Variants in RIT2 observed in about 807,000 individuals in gnomAD.
RIT2 encodes the protein Ras like without CAAX 2, also known as GTP-binding protein Rit2.
In RIT2, 24 loss-of-function variants were observed where a neutral mutation model predicts 23.7. The ratio of observed to expected loss-of-function variants is 1.01; its 90% CI spans 0.73 to 1.43. The LOEUF is 1.43. RIT2 is among the 40% of genes most tolerant of loss of function. The probability of loss-of-function intolerance (pLI) is 0.00; values close to 1 mark genes in which losing one functional copy is unlikely to be tolerated. For missense variants in RIT2, 236 were observed against 266.9 expected, an observed-to-expected ratio of 0.88 and a Z score of 0.81; for synonymous variants, 107 against 91.1, an observed-to-expected ratio of 1.17 and a Z score of -0.99.
At chr18:42,973,959 C>T in intron 3 of RIT2, 115 bp downstream of exon 3, 3 of 627,534 alleles carry the variant, frequency 4.8e-6, no homozygotes, top group Non-Finnish European at 8.2e-6. Flanking sequence ...ATTGTTATCA[C>T]AAATTTGTTC....
chr18:43,014,407 A>G (rs546366586), intron 2 of RIT2, among the ~76,000 whole-genome samples: 2 of 151,878 alleles, frequency 1.3e-5, no homozygotes, highest in South Asian at 4.2e-4. Flanking sequence ...ATTGCAGGAC[A>G]TACTACCCTT....
intron 1 of RIT2, among the ~76,000 whole-genome samples, chr18:43,071,710 T>A (rs1224028153): frequency 6.6e-6 from 1 of 152,204 alleles, no homozygotes. Context: ...TATATTACAT[T>A]TATTAATACT....
chr18:43,027,402 G>A (rs888785171), intron 2 of RIT2, among the ~76,000 whole-genome samples: 3 of 152,016 alleles, frequency 2.0e-5, no homozygotes, highest in African/African-American at 7.2e-5. Flanking sequence ...AGAAAATATT[G>A]TTTTGAGCAA....
intron 4 of RIT2, among the ~76,000 whole-genome samples, chr18:42,856,886 G>C (rs556976341): frequency 1.4e-5 from 2 of 143,774 alleles, no homozygotes; most frequent in African/African-American, 2.6e-5. Context: ...CTGGAGTGCA[G>C]TGGTGGGATC....
chr18:42,827,929 C>T (rs528239839), intron 4 of RIT2, among the ~76,000 whole-genome samples: 44 of 141,188 alleles, frequency 3.1e-4, no homozygotes, highest in Admixed American at 4.6e-4. Context: ...GGTGCGAACC[C>T]GGGAGGCGGA....
At chr18:42,750,190 C>T (rs939126736) in intron 4 of RIT2, among the ~76,000 whole-genome samples, 1 of 151,626 alleles carries the variant, frequency 6.6e-6, no homozygotes, top group African/African-American at 2.4e-5. Context: ...CCCATTTACC[C>T]CACATCCAGT....
intron 1 of RIT2, among the ~76,000 whole-genome samples, chr18:43,105,513 G>GAA (rs1345609701): frequency 3.3e-4 from 41 of 123,092 alleles, no homozygotes; most frequent in Non-Finnish European, 4.3e-4. Flanking sequence ...AGGGAGGGAG[G>GAA]GAGGGAATGA....
At chr18:43,019,470 T>G (rs1911547738) in intron 2 of RIT2, among the ~76,000 whole-genome samples, 1 of 151,910 alleles carries the variant, frequency 6.6e-6, no homozygotes, top group Non-Finnish European at 1.5e-5. Context: ...GAAAAAGCAT[T>G]GATAAAATTC....
At chr18:42,820,166 C>T (rs879605026) in intron 4 of RIT2, among the ~76,000 whole-genome samples, 1 of 152,140 alleles carries the variant, frequency 6.6e-6, no homozygotes, top group Non-Finnish European at 1.5e-5. Context: ...AATGAACCCA[C>T]AGATATGAAG....
intron 3 of RIT2, among the ~76,000 whole-genome samples, chr18:42,966,025 A>C (rs1288436636): frequency 6.6e-6 from 1 of 152,074 alleles, no homozygotes; most frequent in East Asian, 1.9e-4. Flanking sequence ...TGGATAAGCC[A>C]CTTAACCTCT....
intron 4 of RIT2, among the ~76,000 whole-genome samples, chr18:42,882,200 T>C (rs1839816283): frequency 6.6e-6 from 1 of 152,234 alleles, no homozygotes; most frequent in Admixed American, 6.5e-5. Context: ...ATCATTCAGC[T>C]ACTGAAGCAC....
At chr18:42,766,881 G>A (rs116323126) in intron 4 of RIT2, among the ~76,000 whole-genome samples, 2,267 of 152,320 alleles carry the variant, frequency 0.015, 63 homozygotes, top group African/African-American at 0.052. Context: ...GCTTCAGAGC[G>A]TGGAAGCCCT....
At chr18:42,878,565 C>CTGTG (rs71371607) in intron 4 of RIT2, among the ~76,000 whole-genome samples, 9,380 of 147,516 alleles carry the variant, frequency 0.064, 316 homozygotes, top group Middle Eastern at 0.073. Context: ...AGATTCAACT[C>CTGTG]TGTGTGTGTG....
At chr18:42,766,087 C>T (rs111898368) in intron 4 of RIT2, among the ~76,000 whole-genome samples, 3,144 of 152,116 alleles carry the variant, frequency 0.021, 111 homozygotes, top group African/African-American at 0.068. Context: ...GCATTGAAAA[C>T]GAACTAATAC....
chr18:43,038,597 A>G (rs1399365010), intron 1 of RIT2, among the ~76,000 whole-genome samples: 1 of 151,926 alleles, frequency 6.6e-6, no homozygotes, highest in Non-Finnish European at 1.5e-5. Context: ...CTCAGTATAT[A>G]TCTTCTTTAA....
chr18:42,766,975 T>C (rs1198801889), intron 4 of RIT2, among the ~76,000 whole-genome samples: 1 of 152,150 alleles, frequency 6.6e-6, no homozygotes, highest in Non-Finnish European at 1.5e-5. Context: ...CGCCTAGATT[T>C]CAGAAGATGT....
intron 4 of RIT2, among the ~76,000 whole-genome samples, chr18:42,851,767 T>G (rs1907060592): frequency 6.6e-6 from 1 of 152,138 alleles, no homozygotes; most frequent in Non-Finnish European, 1.5e-5. Flanking sequence ...GGGGAATTGC[T>G]TGAACCCAGG....
chr18:42,885,182 A>C (rs898020643), intron 4 of RIT2, among the ~76,000 whole-genome samples: 1 of 152,262 alleles, frequency 6.6e-6, no homozygotes, highest in Non-Finnish European at 1.5e-5. Context: ...AGACAACTAA[A>C]GAGCTTTATG....
intron 4 of RIT2, among the ~76,000 whole-genome samples, chr18:42,846,609 C>T (rs953457901): frequency 6.6e-6 from 1 of 151,822 alleles, no homozygotes; most frequent in Non-Finnish European, 1.5e-5. Flanking sequence ...TGAGGTTATT[C>T]TGAGAATTAA....
Sources: gnomAD v4.1 joint callset for allele counts (sites outside exome capture counted in the v4.1 genomes callset) on GRCh38, gnomAD v4.1.1 for gene constraint, MANE v1.5 for transcripts, NCBI Gene and HGNC (gene_info 2026-07-23, HGNC 2026-07-21) for gene names.